RBM6: variants seen among roughly 807,000 people sequenced by gnomAD.
RBM6 encodes RNA-binding protein 6.
A neutral mutation model predicts 140.4 loss-of-function variants in RBM6; 23 were observed. That is an observed-to-expected ratio of 0.16 (90% confidence interval 0.12 to 0.23). The LOEUF is 0.23. Ranked by LOEUF, RBM6 falls within the 10% of genes least tolerant of loss-of-function variation. The pLI is 1.00. For synonymous variants in RBM6, 439 were observed against 475.6 expected, an observed-to-expected ratio of 0.92 and a Z score of 1.00; for missense variants, 1,139 against 1,386.7, an observed-to-expected ratio of 0.82 and a Z score of 2.84.
intron 1 of RBM6, chr3:49,940,772 T>A (rs2083249345): frequency 1.3e-5 from 2 of 152,408 alleles, no homozygotes; most frequent in Non-Finnish European, 2.9e-5. Context: ...CGTTAGGCAA[T>A]GAAGGAGAAG....
At chr3:50,054,445 A>T in intron 8 of RBM6, 50 bp downstream of exon 8, 1 of 1,436,648 alleles carries the variant, frequency 7.0e-7, no homozygotes, top group Middle Eastern at 1.7e-4. Context: ...TGAGCAAAAC[A>T]AATTTCATGT....
At chr3:50,065,701 A>G (rs1413505603) in intron 16 of RBM6, 2 of 452,674 alleles carry the variant, frequency 4.4e-6, no homozygotes, top group Non-Finnish European at 8.9e-6. Context: ...ATTATGCATC[A>G]TTATTTAACA....
In RBM6 at chr3:49,968,029, G is replaced by T. The variant is rs1335255208; in HGVS notation, c.604G>T (p.Asp202Tyr). Residue 202 changes from aspartate to tyrosine, a missense_variant, in exon 3 of 21, where the codon GAT (aspartate) becomes TAT (tyrosine). This residue lies in a region of RBM6 where 566 missense variants were observed against 612.7 expected (regional missense o/e 0.92). Transcript: ENST00000266022. ...AGATTTTAGGGGAAGGGATTTATCA[G>T]ATTTGGATTTTAGGGCCAGAGAACA... is the stretch of plus-strand genomic sequence containing the variant. ...HADFRGRDLS[D>Y]LDFRAREQSR... 6 of 1,614,174 alleles carry T rather than the reference G, an allele frequency of 3.7e-6. No homozygotes were observed. The highest frequency in any genetic ancestry group is 4.2e-6 in the Non-Finnish European group (5 of 1,180,034).
At position 49,975,328 on chromosome 3, in the gene RBM6, T is replaced by G. The variant is rs1445982498; in HGVS notation, c.1419T>G (p.Leu473=). The change falls in exon 5 of 21, where the codon CTT becomes CTG. Residue 473 remains leucine (L), a synonymous_variant. Transcript: ENST00000266022. The part of the protein sequence containing the change: ...VPEDATKEEI[L]NAFRTPDGMP... ...TAAATGCCATATTTTTGCAGATTCT[T>G]AATGCTTTTCGGACTCCTGATGGCA... 1.9e-6 allele frequency: 3 copies of G among 1,612,058 alleles called. No individual in the cohort carries two copies.
At chr3:49,959,424 C>A (rs2084176610) in intron 1 of RBM6, among the ~76,000 whole-genome samples, 2 of 146,552 alleles carry the variant, frequency 1.4e-5, no homozygotes, top group Non-Finnish European at 3.0e-5. Context: ...TGGTCTCAAT[C>A]TCCTGACCTT....
chr3:50,010,463 A>G (rs1559581795), intron 6 of RBM6, among the ~76,000 whole-genome samples: 1 of 152,020 alleles, frequency 6.6e-6, no homozygotes, highest in Non-Finnish European at 1.5e-5. Flanking sequence ...GGATGAGGAA[A>G]ATATTTTAGA....
At chr3:49,957,806 G>A (rs2084066808) in intron 1 of RBM6, among the ~76,000 whole-genome samples, 1 of 150,258 alleles carries the variant, frequency 6.7e-6, no homozygotes. Context: ...AGTTGCCCCT[G>A]TATTTGCCTT....
At chr3:50,060,518 C>T (rs948091896) in intron 11 of RBM6, among the ~76,000 whole-genome samples, 23 of 151,556 alleles carry the variant, frequency 1.5e-4, no homozygotes, top group Admixed American at 2.6e-4. Flanking sequence ...GAGGCCGAGG[C>T]GGGCAGATCA....
At chr3:49,942,518 A>G (rs2083331605) in intron 1 of RBM6, among the ~76,000 whole-genome samples, 1 of 150,402 alleles carries the variant, frequency 6.6e-6, no homozygotes, top group Non-Finnish European at 1.5e-5. Flanking sequence ...AAAAAAGTAT[A>G]CAATTCAATG....
At chr3:50,066,776 C>T (rs1430450422) in intron 17 of RBM6, among the ~76,000 whole-genome samples, 3 of 151,884 alleles carry the variant, frequency 2.0e-5, no homozygotes, top group Non-Finnish European at 4.4e-5. Flanking sequence ...TGCAGTGAGC[C>T]GAGATCGTGC....
intron 8 of RBM6, among the ~76,000 whole-genome samples, chr3:50,055,210 C>G (rs570903430): frequency 1.3e-5 from 2 of 152,154 alleles, no homozygotes; most frequent in Non-Finnish European, 2.9e-5. Context: ...GGTGGATCAC[C>G]TGTGGTCAGG....
chr3:50,046,557 C>T (rs558595489), intron 6 of RBM6, among the ~76,000 whole-genome samples: 160 of 144,752 alleles, frequency 1.1e-3, no homozygotes, highest in African/African-American at 3.8e-3. Context: ...CCAGCCTGGG[C>T]AACAAGAGCG....
intron 6 of RBM6, among the ~76,000 whole-genome samples, chr3:50,043,972 C>T (rs1470899481): frequency 6.6e-6 from 1 of 151,172 alleles, no homozygotes; most frequent in Non-Finnish European, 1.5e-5. Context: ...CAACCTCCAC[C>T]TCCCGGGTTC....
At chr3:49,965,974 A>C (rs2084499386) in intron 2 of RBM6, among the ~76,000 whole-genome samples, 1 of 151,884 alleles carries the variant, frequency 6.6e-6, no homozygotes, top group Admixed American at 6.6e-5. Flanking sequence ...AAAAATAAAA[A>C]AATTAGCTGG....
intron 3 of RBM6, among the ~76,000 whole-genome samples, chr3:49,971,239 C>T (rs1458018731): frequency 7.8e-6 from 1 of 128,886 alleles, no homozygotes; most frequent in African/African-American, 2.6e-5. Flanking sequence ...TACACTCCAG[C>T]CTGGGCAGCA....
At chr3:49,974,054 C>G (rs547879053) in intron 4 of RBM6, among the ~76,000 whole-genome samples, 2 of 151,920 alleles carry the variant, frequency 1.3e-5, no homozygotes, top group Admixed American at 1.3e-4. Flanking sequence ...TGTGCCACCA[C>G]GCCCGGCTAA....
chr3:50,040,338 C>T (rs2088811176), intron 6 of RBM6, among the ~76,000 whole-genome samples: 1 of 148,630 alleles, frequency 6.7e-6, no homozygotes, highest in Non-Finnish European at 1.5e-5. Context: ...CCCAGCTACT[C>T]GGGAGGCTGA....
chr3:50,062,250 A>G (rs1287356955), intron 15 of RBM6, 142 bp downstream of exon 15: 2 of 994,486 alleles, frequency 2.0e-6, no homozygotes, highest in Non-Finnish European at 2.8e-6. Flanking sequence ...AACGCCTGTA[A>G]TCCCAGCACT....
chr3:49,959,556 C>T (rs978364642), intron 1 of RBM6, among the ~76,000 whole-genome samples: 1 of 144,420 alleles, frequency 6.9e-6, no homozygotes, highest in Non-Finnish European at 1.5e-5. Flanking sequence ...TCTTGGTTGG[C>T]AATTTATATT....
Sources: allele counts gnomAD v4.1 joint callset (sites outside exome capture counted in the v4.1 genomes callset), GRCh38; gene constraint gnomAD v4.1.1; regional missense constraint gnomAD v4.1.1; transcripts MANE v1.5; gene names NCBI Gene and HGNC (gene_info 2026-07-23, HGNC 2026-07-21).